ARHGAP15: variants seen among roughly 807,000 people sequenced by gnomAD.
The protein encoded by ARHGAP15 is Rho GTPase activating protein 15.
In ARHGAP15, 51 loss-of-function variants were observed where a neutral mutation model predicts 63.7. The observed-to-expected ratio is 0.80, with a 90% CI of 0.64 to 1.01. ARHGAP15 has a LOEUF of 1.01. Among genes scored for constraint, ARHGAP15 ranks in the 50% least tolerant of loss-of-function variants. ARHGAP15 has a pLI of 0.00. For missense variants in ARHGAP15, 560 were observed against 564.6 expected (o/e 0.99, Z 0.08); for synonymous variants, 191 against 193.8 (o/e 0.99, Z 0.12).
chr2:143,570,523 A>G (rs1559056597), intron 11 of ARHGAP15, among the ~76,000 whole-genome samples: 1 of 152,340 alleles, frequency 6.6e-6, no homozygotes, highest in East Asian at 1.9e-4. Context: ...AGCACTACAC[A>G]TTTTAATTTA....
chr2:143,747,321 TATC>T (rs1486172441), intron 13 of ARHGAP15, among the ~76,000 whole-genome samples: 1 of 152,188 alleles, frequency 6.6e-6, no homozygotes, highest in Non-Finnish European at 1.5e-5. Context: ...CAATTTCTCC[TATC>T]ATTAAAATCT....
intron 12 of ARHGAP15, among the ~76,000 whole-genome samples, chr2:143,642,471 A>G (rs1680651289): frequency 6.6e-6 from 1 of 152,130 alleles, no homozygotes; most frequent in Non-Finnish European, 1.5e-5. Flanking sequence ...CCCTCAGGTG[A>G]TCCTGGCGGC....
chr2:143,335,171 C>T (rs1013174280), intron 6 of ARHGAP15, among the ~76,000 whole-genome samples: 1 of 152,060 alleles, frequency 6.6e-6, no homozygotes, highest in African/African-American at 2.4e-5. Flanking sequence ...ATTGAGAATC[C>T]CAAGGGACCA....
intron 2 of ARHGAP15, among the ~76,000 whole-genome samples, chr2:143,163,826 TA>T (rs1238801462): frequency 2.0e-5 from 3 of 152,078 alleles, no homozygotes; most frequent in African/African-American, 7.2e-5. Flanking sequence ...TTTATAGCTA[TA>T]AAATTTGTGT....
At chr2:143,247,788 C>T (rs1007160088) in intron 5 of ARHGAP15, among the ~76,000 whole-genome samples, 1 of 152,044 alleles carries the variant, frequency 6.6e-6, no homozygotes, top group South Asian at 2.1e-4. Flanking sequence ...CACATTTAAT[C>T]CAAATATGAG....
Position 143,391,224 on chromosome 2 carries a change from T to A in ARHGAP15, c.475-44377T>A, listed in dbSNP as rs192308617. Among the ~76,000 whole-genome samples the A allele has an allele frequency of 9.2e-5, 14 of 152,314 alleles. No homozygotes were observed. The East Asian group carries it at 1.9e-3, about 21-fold the overall frequency. ...TAGGCAGTATGTGGCATTAATTCCC[T>A]CCTGTACAAAAATGTAGTTGATAAT... On this transcript the variant is annotated intron_variant, in intron 6 of 13. Coordinates refer to ENST00000295095, the MANE Select transcript of ARHGAP15 (RefSeq NM_018460.4).
intron 2 of ARHGAP15, among the ~76,000 whole-genome samples, chr2:143,178,801 C>T (rs1008513560): frequency 1.3e-5 from 2 of 152,170 alleles, no homozygotes; most frequent in African/African-American, 4.8e-5. Context: ...ACTGAGCATA[C>T]ATAGTACATG....
intron 11 of ARHGAP15, among the ~76,000 whole-genome samples, chr2:143,592,050 A>T (rs1019347557): frequency 6.6e-6 from 1 of 152,306 alleles, no homozygotes; most frequent in East Asian, 1.9e-4. Flanking sequence ...ATTAAATTCA[A>T]TGTTTCCTGG....
At chr2:143,439,422 C>CTAAAAAAAAA (rs1689767014) in intron 8 of ARHGAP15, among the ~76,000 whole-genome samples, 1 of 31,736 alleles carries the variant, frequency 3.2e-5, no homozygotes, top group Non-Finnish European at 5.9e-5. Flanking sequence ...GACTCTGTCT[C>CTAAAAAAAAA]AAAAAAAAAA....
chr2:143,567,743 C>T (rs1696287819), intron 11 of ARHGAP15, among the ~76,000 whole-genome samples: 1 of 152,162 alleles, frequency 6.6e-6, no homozygotes, highest in Non-Finnish European at 1.5e-5. Context: ...TAATCCCTTT[C>T]AGTGAGGTGA....
At chr2:143,537,943 G>A (rs1457646196) in intron 10 of ARHGAP15, among the ~76,000 whole-genome samples, 1 of 151,936 alleles carries the variant, frequency 6.6e-6, no homozygotes, top group Non-Finnish European at 1.5e-5. Context: ...GATGGGGATG[G>A]CATTGAATCT....
intron 6 of ARHGAP15, among the ~76,000 whole-genome samples, chr2:143,259,932 G>C (rs1420096810): frequency 2.6e-5 from 4 of 152,084 alleles, no homozygotes; most frequent in African/African-American, 9.7e-5. Flanking sequence ...CTAAAGATAT[G>C]CTATTTTGCT....
intron 13 of ARHGAP15, among the ~76,000 whole-genome samples, chr2:143,751,854 T>A (rs1559160582): frequency 6.6e-6 from 1 of 152,156 alleles, no homozygotes; most frequent in Non-Finnish European, 1.5e-5. Flanking sequence ...CAACCTTGCC[T>A]CCGCCCTTTG....
At chr2:143,675,830 C>T (rs973624682) in intron 12 of ARHGAP15, among the ~76,000 whole-genome samples, 5 of 152,218 alleles carry the variant, frequency 3.3e-5, no homozygotes, top group Non-Finnish European at 7.3e-5. Flanking sequence ...CTTAAAGTCA[C>T]CAGCTGCATT....
chr2:143,315,803 G>A (rs1683674710), intron 6 of ARHGAP15, among the ~76,000 whole-genome samples: 1 of 151,188 alleles, frequency 6.6e-6, no homozygotes, highest in African/African-American at 2.5e-5. Context: ...TATTTATTTA[G>A]GCCTGGAGCA....
At chr2:143,377,890 C>A (rs976765956) in intron 6 of ARHGAP15, among the ~76,000 whole-genome samples, 1 of 151,988 alleles carries the variant, frequency 6.6e-6, no homozygotes, top group Non-Finnish European at 1.5e-5. Flanking sequence ...TACTTTACAT[C>A]TCTCTCTGAT....
At chr2:143,652,249 A>G (rs1349218372) in intron 12 of ARHGAP15, among the ~76,000 whole-genome samples, 2 of 152,016 alleles carry the variant, frequency 1.3e-5, no homozygotes, top group Non-Finnish European at 2.9e-5. Context: ...CAGGGCTTGT[A>G]GGCCATATGG....
chr2:143,688,121 CAT>C (rs1185886045), intron 12 of ARHGAP15, among the ~76,000 whole-genome samples: 1 of 152,120 alleles, frequency 6.6e-6, no homozygotes, highest in Non-Finnish European at 1.5e-5. Flanking sequence ...AATTTTAAAA[CAT>C]GTGTAACATA....
At chr2:143,589,861 A>C (rs1697255089) in intron 11 of ARHGAP15, among the ~76,000 whole-genome samples, 1 of 152,230 alleles carries the variant, frequency 6.6e-6, no homozygotes, top group South Asian at 2.1e-4. Context: ...AATTAAACTC[A>C]TATAAATAGG....
Sources: gnomAD v4.1 joint callset for allele counts (sites outside exome capture counted in the v4.1 genomes callset) on GRCh38, gnomAD v4.1.1 for gene constraint, MANE v1.5 for transcripts, NCBI Gene and HGNC (gene_info 2026-07-23, HGNC 2026-07-21) for gene names.